Variants in ZNF789 observed in about 807,000 individuals in gnomAD.
ZNF789 encodes the protein zinc finger protein 789.
Under a neutral mutation model 15.6 loss-of-function variants are expected in ZNF789, and 11 were observed. That is an observed-to-expected ratio of 0.70 (90% CI 0.44 to 1.16). The LOEUF (loss-of-function observed/expected upper bound fraction) is 1.16. Ranked by LOEUF, ZNF789 falls within the 50% of genes most tolerant of loss-of-function variation. The pLI, the probability that ZNF789 is intolerant of heterozygous loss-of-function variation, is 0.00. For synonymous variants in ZNF789, 159 were observed against 176.0 expected (o/e 0.90, Z 0.76); for missense variants, 461 against 512.6 (o/e 0.90, Z 0.97).
At chr7:99,475,865 T>C (rs950991490) in intron 1 of ZNF789, among the ~76,000 whole-genome samples, 11 of 147,188 alleles carry the variant, frequency 7.5e-5, no homozygotes, top group Non-Finnish European at 1.5e-4. Flanking sequence ...AGTGCAGTGG[T>C]ACAATCTCAG....
intron 3 of ZNF789, chr7:99,480,626 G>C (rs1006523369): frequency 1.3e-5 from 2 of 152,132 alleles, no homozygotes; most frequent in Non-Finnish European, 2.9e-5. Context: ...CATTCCAAAG[G>C]CTCACTTCTT....
Position 99,486,695 on chromosome 7 carries a change from A to G in ZNF789, c.485A>G (p.Gln162Arg). The G allele has an allele frequency of 6.2e-7, 1 of 1,614,262 alleles. No individual in the cohort carries two copies. Among genetic ancestry groups the G allele is most frequent in the Non-Finnish European group, 8.5e-7 (1 of 1,180,048 alleles). ...TTCCTTCAAAACCTTAACCTTATTCAAGATCAGAATGCGCAAACAAGGTGG... is the reference window on the plus strand; with the variant it reads ...TTCCTTCAAAACCTTAACCTTATTCGAGATCAGAATGCGCAAACAAGGTGG... The part of the protein sequence containing the change: ...RGFLQNLNLI[Q>R]DQNAQTRWKQ... Residue 162 changes from glutamine (Q) to arginine (R), a missense_variant, in exon 5 of 5, where the codon CAA (glutamine) becomes CGA (arginine). By Grantham distance (43) the Gln-to-Arg change is conservative (BLOSUM62 1). Transcript: ENST00000331410.
chr7:99,487,156 C>G lies in ZNF789; in HGVS notation c.946C>G (p.Leu316Val), dbSNP rs867196643. ...IHSGEKRHKC[L>V]ECGKAFGRHS... ...TAGTGGAGAAAAACGCCATAAATGC[C>G]TTGAGTGTGGAAAAGCCTTTGGCCG... Residue 316 changes from leucine to valine, a missense_variant, in exon 5 of 5, where the codon CTT becomes GTT. By Grantham distance (32) the Leu-to-Val change is conservative (BLOSUM62 1). Transcript: ENST00000331410. 2.5e-6 allele frequency: 4 copies of G among 1,613,990 alleles called. No individual in the cohort carries two copies.
intron 2 of ZNF789, 117 bp from the exon 3 acceptor site, chr7:99,479,544 T>A: frequency 8.0e-7 from 1 of 1,251,958 alleles, no homozygotes; most frequent in South Asian, 1.7e-5. Context: ...TCCTTATGAA[T>A]TGGGTGCCCT....
chr7:99,481,346 A>C (rs1350472947), intron 3 of ZNF789: 2 of 152,254 alleles, frequency 1.3e-5, no homozygotes, highest in African/African-American at 4.8e-5. Flanking sequence ...ATACTTTCCC[A>C]AAATCAGAAT....
chr7:99,487,341 G>A lies in ZNF789; in HGVS notation c.1131G>A (p.Thr377=), dbSNP rs148718204. The A allele has an allele frequency of 9.7e-5, 157 of 1,614,082 alleles. 1 individual carries two copies. In the African/African-American group the frequency reaches 1.6e-3, roughly 17 times the overall value. ...TTCAATGTGGAGAATGTGGGAAAAC[G>A]TTTAGTTTTAAGAGGAATCTTTTTC... ...EFFQCGECGK[T]FSFKRNLFRH... Residue 377 remains threonine, a synonymous_variant, in exon 5 of 5, where the codon ACG becomes ACA. Coordinates refer to ENST00000331410, the MANE Select transcript of ZNF789 (RefSeq NM_213603.3).
At position 99,486,455 on chromosome 7, in the gene ZNF789, CTT is replaced by C; in HGVS notation, c.266-18_266-17del. On this transcript the variant is annotated intron_variant, in intron 4 of 4. Transcript: ENST00000331410. The stretch of plus-strand genomic sequence containing the variant: ...TCTGCAGTGGATAGGTCATTTACAT[CTT>C]TTCTTGTTATTTGGCTAGGTTCTGA... 1 of 1,593,476 alleles carries C rather than the reference CTT, an allele frequency of 6.3e-7. No individual in the cohort carries two copies. Among genetic ancestry groups the C allele is most frequent in the Non-Finnish European group, 8.5e-7 (1 of 1,171,388 alleles).
chr7:99,476,890 C>G (rs1028491441), intron 2 of ZNF789, among the ~76,000 whole-genome samples: 2 of 152,204 alleles, frequency 1.3e-5, no homozygotes, highest in African/African-American at 4.8e-5. Context: ...GGGAGATCAA[C>G]TCTTACCTGT....
chr7:99,476,414 G>A lies in ZNF789; in HGVS notation c.-43G>A, dbSNP rs762508143. 14 of 1,600,686 alleles carry A rather than the reference G, an allele frequency of 8.7e-6. No individual in the cohort carries two copies. Among genetic ancestry groups the A allele is most frequent in the Admixed American group, 5.2e-5 (3 of 57,740 alleles). ...TTTTTCTTCTCCAGCTCAGCCAGAC[G>A]TCCAGGATCCCACCCCTTGCAAAAG... On this transcript the variant is annotated 5_prime_UTR_variant, in exon 2 of 5. Coordinates refer to ENST00000331410, the MANE Select transcript of ZNF789 (RefSeq NM_213603.3).
At chr7:99,474,196 G>C (rs1323079161) in intron 1 of ZNF789, among the ~76,000 whole-genome samples, 1 of 152,158 alleles carries the variant, frequency 6.6e-6, no homozygotes, top group Non-Finnish European at 1.5e-5. Context: ...GCTTCCCTGG[G>C]CCACATTGGA....
At position 99,486,828 on chromosome 7, in the gene ZNF789, T is replaced by A. The variant is rs1353671047; in HGVS notation, c.618T>A (p.Cys206Ter). 1 of 1,614,200 alleles carries A rather than the reference T, an allele frequency of 6.2e-7. No individual in the cohort carries two copies. Residue 206 changes from cysteine (C) to a stop codon, truncating the protein, a stop_gained, in exon 5 of 5, where the codon TGT (cysteine) becomes TGA (stop). Coordinates refer to ENST00000331410, the MANE Select transcript of ZNF789 (RefSeq NM_213603.3). LOFTEE classifies it low-confidence loss of function (END_TRUNC). Reference protein sequence around the residue: ...TRAKSYECSECGKVIRRKAWF... With the variant: ...TRAKSYECSE ...CAAAGTCTTATGAATGCAGTGAATG[T>A]GGAAAAGTCATTAGGCGTAAGGCAT...
In ZNF789 at chr7:99,483,619, G is replaced by A. The variant is rs557745926; in HGVS notation, c.152-411G>A. 7 of 709,686 alleles carry A rather than the reference G, an allele frequency of 9.9e-6. No homozygotes were observed. The East Asian group carries it at 1.9e-4, about 19-fold the overall frequency. The allele number at this position is 709,686 out of a possible 1,614,324, so 44.0% of individuals were successfully genotyped here. On this transcript the variant is annotated intron_variant, in intron 3 of 4. Coordinates refer to ENST00000331410, the MANE Select transcript of ZNF789 (RefSeq NM_213603.3). ...AGCCTGGGTGACAGAGCAAGACTCT[G>A]TCTCAAAAATAAAAAAAATAAACAA...
intron 4 of ZNF789, chr7:99,485,492 A>C: frequency 3.9e-6 from 2 of 515,084 alleles, no homozygotes; most frequent in Non-Finnish European, 6.9e-6. Context: ...ATGCTATCCT[A>C]TACTTTGTCC....
intron 1 of ZNF789, among the ~76,000 whole-genome samples, chr7:99,475,286 TC>T (rs1187458513): frequency 2.6e-5 from 4 of 151,812 alleles, no homozygotes; most frequent in African/African-American, 4.8e-5. Flanking sequence ...CCCAGCTACT[TC>T]CGGAGGCTGA....
chr7:99,485,133 C>CTTTGT, intron 4 of ZNF789: 1 of 1,515,136 alleles, frequency 6.6e-7, no homozygotes, highest in Non-Finnish European at 8.8e-7. Flanking sequence ...TGTTCCCTTG[C>CTTTGT]TTTGTTTTGT....
At position 99,486,849 on chromosome 7, in the gene ZNF789, G is replaced by A; in HGVS notation, c.639G>A (p.Lys213=). Residue 213 remains lysine, a synonymous_variant, in exon 5 of 5, where the codon AAG becomes AAA. Transcript: ENST00000331410. ...AATGTGGAAAAGTCATTAGGCGTAA[G>A]GCATGGTTTGATCAACATCAAAGAA... is the stretch of plus-strand genomic sequence containing the variant. ...CSECGKVIRR[K]AWFDQHQRIH... 6.2e-7 allele frequency: 1 copy of A among 1,614,154 alleles called. No homozygotes were observed. The highest frequency in any genetic ancestry group is 8.5e-7 in the Non-Finnish European group (1 of 1,180,038).
chr7:99,476,152 G>C, intron 1 of ZNF789: 1 of 371,474 alleles, frequency 2.7e-6, no homozygotes, highest in Non-Finnish European at 4.9e-6. Context: ...TGTATATGAG[G>C]TGCAGAGTAT....
intron 4 of ZNF789, chr7:99,485,313 G>T (rs1483402822): frequency 8.5e-7 from 1 of 1,181,840 alleles, no homozygotes; most frequent in East Asian, 2.5e-5. Context: ...TGCATTTTAG[G>T]ATGTTGAGTA....
chr7:99,477,972 CCAAA>C (rs903586499), intron 2 of ZNF789, among the ~76,000 whole-genome samples: 6 of 152,034 alleles, frequency 3.9e-5, no homozygotes, highest in African/African-American at 1.2e-4. Flanking sequence ...AAACAAAAAC[CCAAA>C]CAAACAAAAA....
Sources: allele counts gnomAD v4.1 joint callset (sites outside exome capture counted in the v4.1 genomes callset), GRCh38; gene constraint gnomAD v4.1.1; transcripts MANE v1.5; gene names NCBI Gene and HGNC (gene_info 2026-07-23, HGNC 2026-07-21).